Variants in PATJ observed in about 807,000 individuals in gnomAD.
The protein encoded by PATJ is inaD-like protein.
In PATJ, 190 loss-of-function variants were observed where a neutral mutation model predicts 224.9. That is an observed-to-expected ratio of 0.84 (90% CI 0.75 to 0.95). PATJ has a LOEUF of 0.95. Ranked by LOEUF, PATJ falls within the 40% of genes least tolerant of loss-of-function variation. The pLI is 0.00. For missense variants in PATJ, 2,121 were observed against 2,270.3 expected (o/e 0.93, Z 1.34); for synonymous variants, 769 against 820.3 (o/e 0.94, Z 1.07).
At chr1:61,900,791 A>G (rs1035697274) in intron 23 of PATJ, among the ~76,000 whole-genome samples, 19 of 152,042 alleles carry the variant, frequency 1.2e-4, no homozygotes, top group Admixed American at 6.6e-4. Flanking sequence ...GGGTTTCACC[A>G]TGTTAGCCAG....
intron 41 of PATJ, among the ~76,000 whole-genome samples, chr1:62,132,040 A>G (rs549936327): frequency 7.2e-4 from 109 of 151,936 alleles, no homozygotes; most frequent in South Asian, 1.0e-3. Context: ...TAGAGATGGG[A>G]TTTCACCATG....
chr1:61,861,632 G>T lies in PATJ; in HGVS notation c.2404G>T (p.Asp802Tyr). 6.8e-7 allele frequency: 1 copy of T among 1,471,462 alleles called. No individual in the cohort carries two copies. The highest frequency in any genetic ancestry group is 9.1e-7 in the Non-Finnish European group (1 of 1,097,220). 91.2% of individuals were successfully genotyped at this position (1,471,462 alleles called of 1,614,324 possible). ...DKTEFSGTIH[D>Y]INSSLILEAP... ...GACTGAATTTTCAGGAACAATTCAT[G>T]ATATAAATTCATCTTTAATACTCGA... Residue 802 changes from aspartate (D) to tyrosine (Y), a missense_variant, in exon 19 of 44, where the codon GAT becomes TAT. Transcript: ENST00000642238.
At chr1:62,061,264 C>A (rs1029457302) in intron 31 of PATJ, among the ~76,000 whole-genome samples, 1 of 152,084 alleles carries the variant, frequency 6.6e-6, no homozygotes, top group Non-Finnish European at 1.5e-5. Context: ...TCACTACAAT[C>A]TCTACCTCCC....
chr1:62,119,571 T>C (rs573782496), intron 37 of PATJ, among the ~76,000 whole-genome samples: 1 of 152,298 alleles, frequency 6.6e-6, no homozygotes, highest in Non-Finnish European at 1.5e-5. Context: ...ATTTCCTTAC[T>C]CCACAGAGGA....
intron 17 of PATJ, among the ~76,000 whole-genome samples, chr1:61,838,693 A>G (rs1025546352): frequency 2.0e-5 from 3 of 152,074 alleles, no homozygotes; most frequent in African/African-American, 7.2e-5. Context: ...GTTTCTAAGC[A>G]ACAAAACTCT....
intron 1 of PATJ, among the ~76,000 whole-genome samples, chr1:61,752,291 C>G (rs1645378641): frequency 6.7e-6 from 1 of 149,902 alleles, no homozygotes. Flanking sequence ...TTCTGAAAAA[C>G]TGACTCTTTT....
chr1:62,121,309 A>G lies in PATJ; in HGVS notation c.5005+14A>G. ...AGAAAAATTCAGGTATTACACGGAC[A>G]CACCCAGAGCAAAACTATCCTGTTA... On this transcript the variant is annotated intron_variant, in intron 38 of 43. Transcript: ENST00000642238. 6.7e-7 allele frequency: 1 copy of G among 1,490,662 alleles called. No individual in the cohort carries two copies. Among genetic ancestry groups the G allele is most frequent in the Non-Finnish European group, 9.3e-7 (1 of 1,070,860 alleles). 92.3% of individuals were successfully genotyped at this position (1,490,662 alleles called of 1,614,324 possible). A position where few individuals can be genotyped will look rare whatever the true frequency, so the allele number is the denominator to read the frequency against.
chr1:61,796,413 A>C (rs1651111191), intron 10 of PATJ, among the ~76,000 whole-genome samples: 1 of 152,212 alleles, frequency 6.6e-6, no homozygotes, highest in East Asian at 1.9e-4. Context: ...AGAGGGATGA[A>C]GTATTAGATG....
intron 25 of PATJ, among the ~76,000 whole-genome samples, chr1:61,913,529 A>G (rs1276717243): frequency 2.0e-5 from 3 of 152,054 alleles, no homozygotes; most frequent in Non-Finnish European, 4.4e-5. Context: ...TTTAATCTTC[A>G]TGTCTCTCAC....
intron 27 of PATJ, among the ~76,000 whole-genome samples, chr1:61,937,680 T>A (rs1003677108): frequency 1.0e-4 from 15 of 150,012 alleles, no homozygotes; most frequent in Non-Finnish European, 1.8e-4. Flanking sequence ...GACGGAGCGT[T>A]GCTCTTGTTG....
At chr1:62,127,869 C>A in intron 39 of PATJ, 103 bp from the exon 40 acceptor site, 2 of 1,165,594 alleles carry the variant, frequency 1.7e-6, no homozygotes, top group Non-Finnish European at 2.5e-6. Flanking sequence ...TCCTGGCCTC[C>A]TACCTCATGG....
chr1:61,991,162 T>C (rs1645036626), intron 28 of PATJ, among the ~76,000 whole-genome samples: 1 of 151,812 alleles, frequency 6.6e-6, no homozygotes, highest in Non-Finnish European at 1.5e-5. Context: ...AAGATATTTA[T>C]ACTACAAAAT....
At chr1:62,037,468 A>G (rs1295267238) in intron 29 of PATJ, among the ~76,000 whole-genome samples, 1 of 151,978 alleles carries the variant, frequency 6.6e-6, no homozygotes, top group Non-Finnish European at 1.5e-5. Context: ...CTCCCCCTCA[A>G]TCACTCCTCC....
intron 41 of PATJ, among the ~76,000 whole-genome samples, chr1:62,130,517 A>G (rs1032456622): frequency 2.0e-5 from 3 of 151,728 alleles, no homozygotes; most frequent in African/African-American, 7.2e-5. Flanking sequence ...AAAAAATAAA[A>G]ATAAAAATTT....
chr1:62,086,794 G>A lies in PATJ; in HGVS notation c.4377+2146G>A, dbSNP rs1223783087. Among the ~76,000 whole-genome samples, 3 of 152,166 alleles carry A rather than the reference G, an allele frequency of 2.0e-5. No individual in the cohort carries two copies. The highest frequency in any genetic ancestry group is 2.9e-5 in the Non-Finnish European group (2 of 68,038). On this transcript the variant is annotated intron_variant, in intron 33 of 43. Coordinates refer to ENST00000642238, the MANE Select transcript of PATJ (RefSeq NM_001350145.3). The surrounding 1 kb of genome is among the most constrained non-coding windows in gnomAD (Gnocchi z 4.0). ...GGGTACTGTTTACTTGGAGCGCCTC[G>A]CTCAGCCTGTTGTAGGATGGAGTTC... is the stretch of plus-strand genomic sequence containing the variant.
chr1:61,848,461 G>A (rs534532033), intron 17 of PATJ, among the ~76,000 whole-genome samples: 53 of 152,138 alleles, frequency 3.5e-4, no homozygotes, highest in African/African-American at 1.2e-3. Context: ...TTTTCCTTAA[G>A]GTATACAAAT....
chr1:61,932,724 A>AC (rs1466274668), intron 27 of PATJ, among the ~76,000 whole-genome samples: 1 of 152,010 alleles, frequency 6.6e-6, no homozygotes, highest in Non-Finnish European at 1.5e-5. Flanking sequence ...ACATGGTGAA[A>AC]CCCCGTCTCT....
chr1:61,844,897 C>T (rs1360951481), intron 17 of PATJ, among the ~76,000 whole-genome samples: 1 of 152,138 alleles, frequency 6.6e-6, no homozygotes, highest in African/African-American at 2.4e-5. Context: ...TTGCGTTACA[C>T]CATGATTGTG....
chr1:61,763,047 G>A lies in PATJ; in HGVS notation c.57G>A (p.Leu19=). 6.2e-7 allele frequency: 1 copy of A among 1,611,302 alleles called. No homozygotes were observed. The highest frequency in any genetic ancestry group is 1.7e-4 in the Middle Eastern group (1 of 5,962). The part of the protein sequence containing the change: ...KLQVLQVLDR[L]KMKLQEKGDT... ...AGGTGCTGCAGGTACTTGATCGCCTGAAAATGAAATTGCAGGAGAAGGGTG... is the reference window on the plus strand; with the variant it reads ...AGGTGCTGCAGGTACTTGATCGCCTAAAAATGAAATTGCAGGAGAAGGGTG... The change falls in exon 3 of 44, where the codon CTG becomes CTA. Residue 19 remains leucine, a synonymous_variant. Transcript: ENST00000642238.
Sources: gnomAD v4.1 joint callset for allele counts (sites outside exome capture counted in the v4.1 genomes callset) on GRCh38, gnomAD v4.1.1 for gene constraint, Gnocchi (gnomAD v3.1) non-coding constraint, MANE v1.5 for transcripts, NCBI Gene and HGNC (gene_info 2026-07-23, HGNC 2026-07-21) for gene names.